Variants in LEPROT observed in about 807,000 individuals in gnomAD.
LEPROT encodes the protein leptin receptor gene-related protein.
LEPROT carries 3 observed loss-of-function variants against 15.4 expected under a neutral mutation model. The observed-to-expected ratio is 0.19, with a 90% CI of 0.09 to 0.50. The LOEUF is 0.50. LEPROT is among the 20% of genes least tolerant of loss of function. The probability of loss-of-function intolerance (pLI) is 0.97; values close to 1 mark genes in which losing one functional copy is unlikely to be tolerated. For synonymous variants in LEPROT, 59 were observed against 57.5 expected (o/e 1.03, Z -0.12); for missense variants, 137 against 162.2 (o/e 0.84, Z 0.84).
At position 65,435,104 on chromosome 1, in the gene LEPROT, T is replaced by G; in HGVS notation, c.*3185T>G. 5 of 985,356 alleles carry G rather than the reference T, an allele frequency of 5.1e-6. No homozygotes were observed. The highest frequency in any genetic ancestry group is 6.0e-6 in the Non-Finnish European group (5 of 829,938). The allele number at this position is 985,356 out of a possible 1,614,324, so 61.0% of individuals were successfully genotyped here. A position where few individuals can be genotyped will look rare whatever the true frequency, so the allele number is the denominator to read the frequency against. ...CCAGCAGCTTATAGAAGGATAGCAA[T>G]ATTTTGGGACAGGGAAAATCCTGTC... On this transcript the variant is annotated 3_prime_UTR_variant, in exon 4 of 4. Coordinates refer to ENST00000371065, the MANE Select transcript of LEPROT (RefSeq NM_017526.5).
chr1:65,429,797 ATG>A, intron 2 of LEPROT, 63 bp from the exon 3 acceptor site: 2 of 1,252,956 alleles, frequency 1.6e-6, no homozygotes, highest in Non-Finnish European at 2.1e-6. Flanking sequence ...AAATAGTAGT[ATG>A]TCTTTCATTT....
In LEPROT at chr1:65,434,154, T is replaced by A. The variant is rs1044337412; in HGVS notation, c.*2235T>A. On this transcript the variant is annotated 3_prime_UTR_variant, in exon 4 of 4. Coordinates refer to ENST00000371065, the MANE Select transcript of LEPROT (RefSeq NM_017526.5). ...CTTGCATATAGAGTATTTGAAGTGA[T>A]AGATTATTAGATTTGCTCTATGTCT... 3.0e-6 allele frequency: 3 copies of A among 984,056 alleles called. No homozygotes were observed. The highest frequency in any genetic ancestry group is 9.4e-5 in the South Asian group (2 of 21,258). 61.0% of individuals were successfully genotyped at this position (984,056 alleles called of 1,614,324 possible). A position where few individuals can be genotyped will look rare whatever the true frequency, so the allele number is the denominator to read the frequency against.
chr1:65,420,879 C>G (rs1646232768), intron 1 of LEPROT, 139 bp downstream of exon 1: 1 of 1,096,344 alleles, frequency 9.1e-7, no homozygotes, highest in South Asian at 1.5e-5. Context: ...GGGAGGCGAT[C>G]GACCGCTCCC....
At chr1:65,429,229 A>G (rs573438359) in intron 2 of LEPROT, among the ~76,000 whole-genome samples, 2 of 152,300 alleles carry the variant, frequency 1.3e-5, no homozygotes, top group Non-Finnish European at 2.9e-5. Context: ...TGAAGGAGTC[A>G]GCCAATGAGA....
At chr1:65,421,381 A>G in intron 1 of LEPROT, 1 of 1,536,054 alleles carries the variant, frequency 6.5e-7, no homozygotes, top group South Asian at 1.2e-5. Context: ...CAGTTGGTAA[A>G]AACACCGCGT....
chr1:65,429,730 TA>T, intron 2 of LEPROT, 131 bp from the exon 3 acceptor site: 1 of 743,888 alleles, frequency 1.3e-6, no homozygotes, highest in Non-Finnish European at 2.0e-6. Context: ...TCTTATGTTC[TA>T]ATATTCACAA....
At chr1:65,422,453 C>G (rs931193740) in intron 1 of LEPROT, among the ~76,000 whole-genome samples, 1 of 152,200 alleles carries the variant, frequency 6.6e-6, no homozygotes, top group Non-Finnish European at 1.5e-5. Context: ...AGTCCAGCCT[C>G]CAGAACTGTC....
At chr1:65,431,004 G>C (rs9436304) in intron 3 of LEPROT, among the ~76,000 whole-genome samples, 43,012 of 152,034 alleles carry the variant, frequency 0.28, 6,502 homozygotes, top group African/African-American at 0.39. Context: ...CAGTGTGGTA[G>C]AGCTAAAAGA....
At chr1:65,426,692 A>T (rs1646379085) in intron 2 of LEPROT, among the ~76,000 whole-genome samples, 1 of 152,178 alleles carries the variant, frequency 6.6e-6, no homozygotes, top group East Asian at 1.9e-4. Context: ...TGGCTTGAAC[A>T]ACTAGATAGA....
rs72681314 is a variant in LEPROT, at chr1:65,427,227, C to T, written c.92+1849C>T. The stretch of plus-strand genomic sequence containing the variant: ...ATACGGTATTATTATCCTCATTTCT[C>T]GCTGGGAAACCAAAGCCCAGGGTAG... On this transcript the variant is annotated intron_variant, in intron 2 of 3. Coordinates refer to ENST00000371065, the MANE Select transcript of LEPROT (RefSeq NM_017526.5). Among the ~76,000 whole-genome samples, 667 of 152,210 alleles carry T rather than the reference C, an allele frequency of 4.4e-3. 2 individuals are homozygous for T. Among genetic ancestry groups the T allele is most frequent in the Non-Finnish European group, 7.3e-3 (498 of 68,004 alleles).
rs927448029 is a variant in LEPROT, at chr1:65,434,049, A to G, written c.*2130A>G. The G allele has an allele frequency of 3.0e-6, 3 of 985,340 alleles. No homozygotes were observed. Among genetic ancestry groups the G allele is most frequent in the Non-Finnish European group, 2.4e-6 (2 of 829,864 alleles). 61.0% of individuals were successfully genotyped at this position (985,340 alleles called of 1,614,324 possible). ...AAAAGTGTTTTTGTTGCTTATACAC[A>G]TTTTCAATAACCAAGGTAGCCTTCA... On this transcript the variant is annotated 3_prime_UTR_variant, in exon 4 of 4. Transcript: ENST00000371065.
chr1:65,431,236 GT>G (rs1372049915), intron 3 of LEPROT, among the ~76,000 whole-genome samples: 1 of 152,076 alleles, frequency 6.6e-6, no homozygotes, highest in Non-Finnish European at 1.5e-5. Flanking sequence ...ATCATATTTT[GT>G]GAAGAAACTT....
In LEPROT at chr1:65,432,908, A is replaced by G; in HGVS notation, c.*989A>G. 7.6e-6 allele frequency: 7 copies of G among 919,188 alleles called. No homozygotes were observed. The highest frequency in any genetic ancestry group is 7.8e-6 in the Non-Finnish European group (6 of 769,574). 56.9% of individuals were successfully genotyped at this position (919,188 alleles called of 1,614,324 possible). ...AAATCATAAAACCGTATTGTACCCT[A>G]TAAAAATATACAATAATTTGTCAAT... is the stretch of plus-strand genomic sequence containing the variant. On this transcript the variant is annotated 3_prime_UTR_variant, in exon 4 of 4. Coordinates refer to ENST00000371065, the MANE Select transcript of LEPROT (RefSeq NM_017526.5).
intron 1 of LEPROT, among the ~76,000 whole-genome samples, chr1:65,423,611 G>C (rs1646297748): frequency 6.6e-6 from 1 of 152,168 alleles, no homozygotes; most frequent in African/African-American, 2.4e-5. Context: ...CCATTAAAGA[G>C]TGGAAATGTA....
chr1:65,423,137 T>G (rs1557578902), intron 1 of LEPROT, among the ~76,000 whole-genome samples: 1 of 152,114 alleles, frequency 6.6e-6, no homozygotes, highest in Admixed American at 6.5e-5. Context: ...GAATTTGAGG[T>G]TCTTGTTGGC....
At position 65,435,172 on chromosome 1, in the gene LEPROT, C is replaced by T; in HGVS notation, c.*3253C>T. Reference sequence around the variant, plus strand: ...CAGGAGGAGTTCTGAGCTGGTCCTGCTTTTCATAGTTGTTTCTTTTCTTCC... The same window carrying T: ...CAGGAGGAGTTCTGAGCTGGTCCTGTTTTTCATAGTTGTTTCTTTTCTTCC... On this transcript the variant is annotated 3_prime_UTR_variant, in exon 4 of 4. Transcript: ENST00000371065. 1 of 985,352 alleles carries T rather than the reference C, an allele frequency of 1.0e-6. No individual in the cohort carries two copies. Among genetic ancestry groups the T allele is most frequent in the Non-Finnish European group, 1.2e-6 (1 of 829,946 alleles). 61.0% of individuals were successfully genotyped at this position (985,352 alleles called of 1,614,324 possible).
Position 65,432,766 on chromosome 1 carries a change from A to G in LEPROT, c.*847A>G, listed in dbSNP as rs1362098781. 7 of 529,886 alleles carry G rather than the reference A, an allele frequency of 1.3e-5. No homozygotes were observed. Among genetic ancestry groups the G allele is most frequent in the South Asian group, 1.7e-4 (2 of 12,046 alleles). 32.8% of individuals were successfully genotyped at this position (529,886 alleles called of 1,614,324 possible). A position where few individuals can be genotyped will look rare whatever the true frequency, so the allele number is the denominator to read the frequency against. On this transcript the variant is annotated 3_prime_UTR_variant, in exon 4 of 4. Coordinates refer to ENST00000371065, the MANE Select transcript of LEPROT (RefSeq NM_017526.5). ...ACTTGCACAGCATGCTAAATATAGG[A>G]ATAATTGAATGTATATTTCAATATT...
chr1:65,424,219 ATATTT>A (rs1646313119), intron 1 of LEPROT, among the ~76,000 whole-genome samples: 2 of 152,374 alleles, frequency 1.3e-5, no homozygotes, highest in Admixed American at 1.3e-4. Context: ...CAGGGAATAC[ATATTT>A]TATTCAGTGC....
In LEPROT at chr1:65,429,953, A is replaced by G. The variant is rs1646454291; in HGVS notation, c.184A>G (p.Thr62Ala). 1 of 1,576,774 alleles carries G rather than the reference A, an allele frequency of 6.3e-7. No homozygotes were observed. Among genetic ancestry groups the G allele is most frequent in the Admixed American group, 1.7e-5 (1 of 59,374 alleles). ...AAGAGTCACCTATGACTCAGATGCAACCAGTAGTGCCTGTCGGGAACTGGC... is the reference window on the plus strand; with the variant it reads ...AAGAGTCACCTATGACTCAGATGCAGCCAGTAGTGCCTGTCGGGAACTGGC... ...AKRVTYDSDATSSACRELAYF... is the reference protein window; with the variant it reads ...AKRVTYDSDAASSACRELAYF... Residue 62 changes from threonine (T) to alanine (A), a missense_variant, in exon 3 of 4, where the codon ACC (threonine) becomes GCC (alanine). Transcript: ENST00000371065.
Sources: gnomAD v4.1 joint callset for allele counts (sites outside exome capture counted in the v4.1 genomes callset) on GRCh38, gnomAD v4.1.1 for gene constraint, MANE v1.5 for transcripts, NCBI Gene and HGNC (gene_info 2026-07-23, HGNC 2026-07-21) for gene names.